ZHX2: variants seen among roughly 807,000 people sequenced by gnomAD.
ZHX2 encodes zinc fingers and homeoboxes protein 2.
A neutral mutation model predicts 21.9 loss-of-function variants in ZHX2; 6 were observed. That is an observed-to-expected ratio of 0.27 (90% CI 0.15 to 0.54). ZHX2 has a LOEUF of 0.54. Ranked by LOEUF, ZHX2 falls within the 20% of genes least tolerant of loss-of-function variation. ZHX2 has a pLI of 0.95. For synonymous variants in ZHX2, 434 were observed against 437.1 expected (o/e 0.99, Z 0.09); for missense variants, 908 against 1,090.7 (o/e 0.83, Z 2.36).
intron 1 of ZHX2, among the ~76,000 whole-genome samples, chr8:122,807,440 C>T (rs1204652959): frequency 1.3e-5 from 2 of 152,174 alleles, no homozygotes; most frequent in Non-Finnish European, 2.9e-5. Context: ...ATCAGCGTTA[C>T]AGGTAGAAAT....
intron 2 of ZHX2, among the ~76,000 whole-genome samples, chr8:122,924,755 C>T (rs1190542541): frequency 1.3e-5 from 2 of 152,168 alleles, no homozygotes; most frequent in East Asian, 3.9e-4. Context: ...ATTGGCCCAT[C>T]GGTGAATATC....
intron 3 of ZHX2, among the ~76,000 whole-genome samples, chr8:122,971,253 T>C (rs1346693085): frequency 6.6e-6 from 1 of 151,256 alleles, no homozygotes; most frequent in Non-Finnish European, 1.5e-5. Context: ...GAGCAGGTCC[T>C]GGCCTAAGAG....
chr8:122,878,844 A>G (rs1819631191), intron 2 of ZHX2, among the ~76,000 whole-genome samples: 1 of 152,174 alleles, frequency 6.6e-6, no homozygotes, highest in East Asian at 1.9e-4. Flanking sequence ...TATTCATATA[A>G]TTTCTTCTGC....
chr8:122,970,548 T>C (rs768914913), intron 3 of ZHX2, among the ~76,000 whole-genome samples: 5 of 152,176 alleles, frequency 3.3e-5, no homozygotes, highest in Non-Finnish European at 7.4e-5. Context: ...CCCAGCTTTC[T>C]CCAACTCCAC....
At position 122,969,474 on chromosome 8, in the gene ZHX2, A is replaced by G. The variant is rs191084918; in HGVS notation, c.*5-3768A>G. On this transcript the variant is annotated intron_variant, in intron 3 of 3. Coordinates refer to ENST00000314393, the MANE Select transcript of ZHX2 (RefSeq NM_014943.5). Reference sequence around the variant, plus strand: ...ACTGGATTGTAGTGACAGTAACATGAGTGTATGCATATGCCCAAACTCACT... The same window carrying G: ...ACTGGATTGTAGTGACAGTAACATGGGTGTATGCATATGCCCAAACTCACT... Among the ~76,000 whole-genome samples the G allele has an allele frequency of 3.6e-4, 55 of 152,268 alleles. No individual in the cohort carries two copies. The East Asian group carries it at 9.1e-3, about 25-fold the overall frequency.
chr8:122,902,361 G>T (rs952161617), intron 2 of ZHX2, among the ~76,000 whole-genome samples: 14 of 152,236 alleles, frequency 9.2e-5, no homozygotes, highest in African/African-American at 3.4e-4. Context: ...GACATTGCCT[G>T]GGTTCAAATC....
At chr8:122,810,639 T>C (rs1747990760) in intron 1 of ZHX2, 2 of 152,142 alleles carry the variant, frequency 1.3e-5, no homozygotes, top group Non-Finnish European at 2.9e-5. Flanking sequence ...GTATACATTT[T>C]TTATTAACAG....
chr8:122,885,173 G>T (rs1819810363), intron 2 of ZHX2, among the ~76,000 whole-genome samples: 1 of 152,228 alleles, frequency 6.6e-6, no homozygotes, highest in African/African-American at 2.4e-5. Context: ...GGAAGAGCCA[G>T]TTGTGGCCTG....
chr8:122,894,846 C>T (rs1200088241), intron 2 of ZHX2, among the ~76,000 whole-genome samples: 3 of 152,040 alleles, frequency 2.0e-5, no homozygotes, highest in Non-Finnish European at 4.4e-5. Context: ...CACCCTTCAC[C>T]CACTCACAGA....
intron 1 of ZHX2, among the ~76,000 whole-genome samples, chr8:122,820,532 A>T (rs1208998903): frequency 6.6e-6 from 1 of 152,178 alleles, no homozygotes; most frequent in East Asian, 1.9e-4. Context: ...AGAGGACTGA[A>T]CAGGACAAGG....
intron 1 of ZHX2, among the ~76,000 whole-genome samples, chr8:122,821,818 C>T (rs1289199764): frequency 1.3e-5 from 2 of 152,152 alleles, no homozygotes; most frequent in South Asian, 2.1e-4. Context: ...GATTCTCATG[C>T]CTCAGCCTCC....
At chr8:122,871,917 A>C in intron 2 of ZHX2, among the ~76,000 whole-genome samples, 1 of 152,122 alleles carries the variant, frequency 6.6e-6, no homozygotes, top group Admixed American at 6.5e-5. Context: ...TCAATAGTAC[A>C]TACAGGCTGG....
chr8:122,848,381 C>T (rs553783347), intron 1 of ZHX2, among the ~76,000 whole-genome samples: 1 of 152,290 alleles, frequency 6.6e-6, no homozygotes, highest in South Asian at 2.1e-4. Context: ...TGCTCTCCCC[C>T]ATGGCCTGCA....
intron 2 of ZHX2, among the ~76,000 whole-genome samples, chr8:122,948,278 C>G (rs1282223522): frequency 6.6e-6 from 1 of 152,184 alleles, no homozygotes; most frequent in African/African-American, 2.4e-5. Flanking sequence ...TATGCCATCT[C>G]CTGCCTTCCC....
chr8:122,869,334 T>TG (rs1175173437), intron 2 of ZHX2, among the ~76,000 whole-genome samples: 1 of 151,882 alleles, frequency 6.6e-6, no homozygotes, highest in Admixed American at 6.6e-5. Flanking sequence ...TGTTTTTTTT[T>TG]TTTGTTTTTT....
chr8:122,951,658 G>C lies in ZHX2; in HGVS notation c.148G>C (p.Glu50Gln), dbSNP rs1299431881. 3 of 1,613,978 alleles carry C rather than the reference G, an allele frequency of 1.9e-6. No individual in the cohort carries two copies. Among genetic ancestry groups the C allele is most frequent in the East Asian group, 4.5e-5 (2 of 44,876 alleles). The change falls in exon 3 of 4, where the codon GAA becomes CAA. Residue 50 changes from glutamate (E) to glutamine (Q), a missense_variant. Physicochemically the swap from Glu to Gln is conservative, Grantham distance 29. Transcript: ENST00000314393. ...PDVAKDSWAAELENSSKENEV... is the reference protein window; with the variant it reads ...PDVAKDSWAAQLENSSKENEV... ...CGTGGCCAAGGACAGTTGGGCAGCA[G>C]AACTTGAAAACTCTTCCAAAGAAAA...
At chr8:122,910,856 C>T (rs914293270) in intron 2 of ZHX2, among the ~76,000 whole-genome samples, 2 of 152,092 alleles carry the variant, frequency 1.3e-5, no homozygotes, top group African/African-American at 2.4e-5. Context: ...ACCTCACTTA[C>T]GAAGCACAAA....
chr8:122,843,511 C>G (rs1012547502), intron 1 of ZHX2, among the ~76,000 whole-genome samples: 1 of 152,168 alleles, frequency 6.6e-6, no homozygotes, highest in African/African-American at 2.4e-5. Flanking sequence ...GCCTTTGGCC[C>G]CCACCGTGAG....
intron 1 of ZHX2, among the ~76,000 whole-genome samples, chr8:122,792,623 C>T (rs964217476): frequency 1.3e-5 from 2 of 152,158 alleles, no homozygotes; most frequent in Non-Finnish European, 2.9e-5. Context: ...TTTGCTGCAT[C>T]TCTGTCCACC....
Sources: gnomAD v4.1 joint callset for allele counts (sites outside exome capture counted in the v4.1 genomes callset) on GRCh38, gnomAD v4.1.1 for gene constraint, MANE v1.5 for transcripts, NCBI Gene and HGNC (gene_info 2026-07-23, HGNC 2026-07-21) for gene names.